PCDHA6: variants seen among roughly 807,000 people sequenced by gnomAD.
PCDHA6 encodes the protein protocadherin alpha 6.
Under a neutral mutation model 60.3 loss-of-function variants are expected in PCDHA6, and 55 were observed. The ratio of observed to expected loss-of-function variants is 0.91; its 90% CI spans 0.73 to 1.14. PCDHA6 has a LOEUF of 1.14. Ranked by LOEUF, PCDHA6 falls within the 50% of genes most tolerant of loss-of-function variation. The pLI is 0.00. For missense variants in PCDHA6, 1,327 were observed against 1,256.5 expected (o/e 1.06, Z -0.85); for synonymous variants, 652 against 557.9 (o/e 1.17, Z -2.38).
At chr5:140,884,046 A>G (rs781965939) in intron 1 of PCDHA6, 6 of 1,613,474 alleles carry the variant, frequency 3.7e-6, no homozygotes, top group Non-Finnish European at 5.1e-6. Flanking sequence ...GTGGTGGCGA[A>G]GGTGCGCGCG....
At chr5:140,989,105 T>G (rs550881823) in intron 3 of PCDHA6, 2 of 152,232 alleles carry the variant, frequency 1.3e-5, no homozygotes, top group African/African-American at 4.8e-5. Flanking sequence ...GAAACAACTT[T>G]TGAATATATC....
intron 1 of PCDHA6, chr5:140,860,150 T>G (rs868970469): frequency 6.7e-6 from 1 of 150,164 alleles, no homozygotes; most frequent in Non-Finnish European, 1.5e-5. Flanking sequence ...TATGTATATA[T>G]GTGTATATAT....
intron 1 of PCDHA6, chr5:140,849,292 C>T (rs1472038377): frequency 1.5e-5 from 18 of 1,231,626 alleles, no homozygotes; most frequent in African/African-American, 1.8e-5. Flanking sequence ...CACCCCAATG[C>T]CTCAGATTTA....
At chr5:140,871,080 G>T (rs1554165086) in intron 1 of PCDHA6, 2 of 1,613,094 alleles carry the variant, frequency 1.2e-6, no homozygotes, top group Admixed American at 1.7e-5. Context: ...CGGCGCTGAC[G>T]GCCACGGCCA....
chr5:140,835,540 C>T (rs2150237787), intron 1 of PCDHA6: 1 of 1,613,980 alleles, frequency 6.2e-7, no homozygotes. Context: ...GGACAGGTTA[C>T]CTGCTCCCTG....
chr5:140,863,116 G>A (rs1554157785), intron 1 of PCDHA6: 7 of 589,834 alleles, frequency 1.2e-5, no homozygotes, highest in African/African-American at 1.9e-5. Flanking sequence ...CGAGGCGAAA[G>A]CTACGCGCCA....
intron 3 of PCDHA6, among the ~76,000 whole-genome samples, chr5:140,994,024 A>G (rs1440214596): frequency 6.6e-6 from 1 of 152,234 alleles, no homozygotes; most frequent in East Asian, 1.9e-4. Context: ...TGATGCAGAT[A>G]TAATATTAAA....
In PCDHA6 at chr5:140,856,289, G is replaced by A. The variant is rs138367057; in HGVS notation, c.2394+25804G>A. Reference sequence around the variant, plus strand: ...CCTTCTGGAGGTAAATCTGCAGAATGGCATTTTGTTTGTGAATTCTCGGAT... The same window carrying A: ...CCTTCTGGAGGTAAATCTGCAGAATAGCATTTTGTTTGTGAATTCTCGGAT... On this transcript the variant is annotated intron_variant, in intron 1 of 3. Coordinates refer to ENST00000529310, the MANE Select transcript of PCDHA6 (RefSeq NM_018909.4). The A allele has an allele frequency of 3.3e-4, 527 of 1,598,532 alleles. 21 individuals carry two copies. The African/African-American group carries it at 6.0e-3, about 18-fold the overall frequency.
rs2150175737 is a variant in PCDHA6, at chr5:140,829,835, C to T, written c.1744C>T (p.Pro582Ser). Residue 582 changes from proline (P) to serine (S), a missense_variant, in exon 1 of 4, where the codon CCG becomes TCG. By Grantham distance (74) the Pro-to-Ser change is moderately conservative (BLOSUM62 -1). Coordinates refer to ENST00000529310, the MANE Select transcript of PCDHA6 (RefSeq NM_018909.4). Reference protein sequence around the residue: ...GTGGAVSELVPRSLGAGQVVA... With the variant: ...GTGGAVSELVSRSLGAGQVVA... ...TGGTGGTGCAGTGAGCGAGCTGGTG[C>T]CGCGGTCACTGGGTGCAGGCCAAGT... 2.5e-6 allele frequency: 4 copies of T among 1,613,904 alleles called. No individual in the cohort carries two copies. The highest frequency in any genetic ancestry group is 3.4e-6 in the Non-Finnish European group (4 of 1,179,892).
In PCDHA6 at chr5:140,828,757, C is replaced by T; in HGVS notation, c.666C>T (p.Leu222=). 6.2e-7 allele frequency: 1 copy of T among 1,614,234 alleles called. No homozygotes were observed. The highest frequency in any genetic ancestry group is 8.5e-7 in the Non-Finnish European group (1 of 1,180,038). The change falls in exon 1 of 4, where the codon CTC becomes CTT. Residue 222 remains leucine, a synonymous_variant. Coordinates refer to ENST00000529310, the MANE Select transcript of PCDHA6 (RefSeq NM_018909.4). The part of the protein sequence containing the change: ...LTATDGGKPE[L]TGTVQLLVTV... ...CCACAGATGGGGGCAAACCTGAGCT[C>T]ACAGGCACTGTTCAGCTGCTGGTCA... is the stretch of plus-strand genomic sequence containing the variant.
chr5:140,833,453 A>T (rs1238975338), intron 1 of PCDHA6, among the ~76,000 whole-genome samples: 3 of 152,230 alleles, frequency 2.0e-5, no homozygotes, highest in Non-Finnish European at 4.4e-5. Context: ...ATCTAATAAA[A>T]TAAACTTACA....
chr5:140,849,968 C>G, intron 1 of PCDHA6: 1 of 1,597,844 alleles, frequency 6.3e-7, no homozygotes, highest in Non-Finnish European at 8.6e-7. Flanking sequence ...CCCTGGTGTC[C>G]TACTCGCTGG....
At chr5:140,895,904 C>CG (rs2065248350) in intron 1 of PCDHA6, among the ~76,000 whole-genome samples, 2 of 152,138 alleles carry the variant, frequency 1.3e-5, no homozygotes, top group Non-Finnish European at 2.9e-5. Flanking sequence ...CTCCGCGTCC[C>CG]GGGCTCAACA....
intron 1 of PCDHA6, among the ~76,000 whole-genome samples, chr5:140,845,212 T>C (rs1779759360): frequency 6.7e-6 from 1 of 149,366 alleles, no homozygotes; most frequent in South Asian, 2.1e-4. Context: ...TTTAAGTCCT[T>C]TTAAAAAATA....
chr5:140,957,630 C>A (rs2095372065), intron 1 of PCDHA6, among the ~76,000 whole-genome samples: 1 of 152,000 alleles, frequency 6.6e-6, no homozygotes, highest in Non-Finnish European at 1.5e-5. Context: ...CACACACTTT[C>A]AGAAATGCAC....
chr5:140,880,309 A>G (rs2058299906), intron 1 of PCDHA6, among the ~76,000 whole-genome samples: 1 of 152,236 alleles, frequency 6.6e-6, no homozygotes. Flanking sequence ...TGAAAGAAAC[A>G]AGTAAAAAAT....
At chr5:140,920,411 T>G (rs533328116) in intron 1 of PCDHA6, among the ~76,000 whole-genome samples, 39 of 152,352 alleles carry the variant, frequency 2.6e-4, no homozygotes, top group Middle Eastern at 3.4e-3. Flanking sequence ...TTTAATCAGA[T>G]ACAGCTGTTC....
chr5:140,895,225 G>GT, intron 1 of PCDHA6, among the ~76,000 whole-genome samples: 1 of 152,168 alleles, frequency 6.6e-6, no homozygotes, highest in African/African-American at 2.4e-5. Context: ...ATTTTACTGA[G>GT]TTTTCTCATC....
chr5:140,829,517 A>G lies in PCDHA6; in HGVS notation c.1426A>G (p.Thr476Ala). The G allele has an allele frequency of 6.2e-7, 1 of 1,613,440 alleles. No homozygotes were observed. Residue 476 changes from threonine (T) to alanine (A), a missense_variant, in exon 1 of 4, where the codon ACG becomes GCG. Transcript: ENST00000529310. ...CAACCCGCCGGGCTGCCACATCTTC[A>G]CGGTGTCTGCGCGAGACGCGGACGC... ...ENNPPGCHIF[T>A]VSARDADAQE...
Sources: allele counts gnomAD v4.1 joint callset (sites outside exome capture counted in the v4.1 genomes callset), GRCh38; gene constraint gnomAD v4.1.1; transcripts MANE v1.5; gene names NCBI Gene and HGNC (gene_info 2026-07-23, HGNC 2026-07-21).